The following OSBPL3 variants were observed in gnomAD, a reference collection of about 807,000 sequenced individuals.
OSBPL3 encodes oxysterol binding protein like 3.
A neutral mutation model predicts 120.1 loss-of-function variants in OSBPL3; 65 were observed. That is an observed-to-expected ratio of 0.54 (90% CI 0.44 to 0.67). The LOEUF (loss-of-function observed/expected upper bound fraction) is 0.67, where lower values mean the gene tolerates loss of function less well. OSBPL3 is among the 30% of genes least tolerant of loss of function. The pLI is 0.00. For synonymous variants in OSBPL3, 416 were observed against 402.6 expected, an observed-to-expected ratio of 1.03 and a Z score of -0.40; for missense variants, 1,004 against 1,082.1, an observed-to-expected ratio of 0.93 and a Z score of 1.01.
In OSBPL3 at chr7:24,932,961, G is replaced by A. The variant is rs1020972977; in HGVS notation, c.-149-40340C>T. 2.0e-5 allele frequency among the ~76,000 whole-genome samples: 3 copies of A among 152,244 alleles called. No homozygotes were observed. Among genetic ancestry groups the A allele is most frequent in the Non-Finnish European group, 4.4e-5 (3 of 68,032 alleles). On this transcript the variant is annotated intron_variant, in intron 1 of 22. Coordinates refer to ENST00000313367, the MANE Select transcript of OSBPL3 (RefSeq NM_015550.4). The surrounding 1 kb of genome is among the most constrained non-coding windows in gnomAD (Gnocchi z 5.6). ...GCAGAATGCCATGTTACAAACCAGT[G>A]AACCGTCTTTCCTCCATATTCAAAT... is the stretch of plus-strand genomic sequence containing the variant.
rs1233802869 is a variant in OSBPL3, at chr7:24,966,058, A to G, written c.-150+13828T>C. On this transcript the variant is annotated intron_variant, in intron 1 of 22. Coordinates refer to ENST00000313367, the MANE Select transcript of OSBPL3 (RefSeq NM_015550.4). The surrounding 1 kb of genome is among the most constrained non-coding windows in gnomAD (Gnocchi z 4.8). ...AAGTCTCACACAAGTCATCTGAGAG[A>G]GAGGAGAAACAGTACTGTTAAAAGG... 6.6e-6 allele frequency among the ~76,000 whole-genome samples: 1 copy of G among 152,108 alleles called. No individual in the cohort carries two copies. The highest frequency in any genetic ancestry group is 1.5e-5 in the Non-Finnish European group (1 of 68,024).
Position 24,899,224 on chromosome 7 carries a change from T to C in OSBPL3, c.-149-6603A>G, listed in dbSNP as rs1262356169. 6.6e-6 allele frequency among the ~76,000 whole-genome samples: 1 copy of C among 152,140 alleles called. No homozygotes were observed. Among genetic ancestry groups the C allele is most frequent in the Non-Finnish European group, 1.5e-5 (1 of 68,026 alleles). On this transcript the variant is annotated intron_variant, in intron 1 of 22. Transcript: ENST00000313367. This position sits in a 1 kb window ranked among gnomAD's most constrained non-coding sequence, Gnocchi z 4.0. ...GTGATGCCCAGATTTAAAGACAAGC[T>C]CTAGGTGTGGTCTGGACAGAGCAGA... is the stretch of plus-strand genomic sequence containing the variant.
In OSBPL3 at chr7:24,912,936, T is replaced by G. The variant is rs1192997886; in HGVS notation, c.-149-20315A>C. On this transcript the variant is annotated intron_variant, in intron 1 of 22. Transcript: ENST00000313367. The surrounding 1 kb of genome is among the most constrained non-coding windows in gnomAD (Gnocchi z 4.5). Reference sequence around the variant, plus strand: ...CCTGTTGTCTCAGGGTGCTTGCCCTTCAACTCAGCCACCACGATGTGAGTA... The same window carrying G: ...CCTGTTGTCTCAGGGTGCTTGCCCTGCAACTCAGCCACCACGATGTGAGTA... Among the ~76,000 whole-genome samples, 1 of 152,168 alleles carries G rather than the reference T, an allele frequency of 6.6e-6. No individual in the cohort carries two copies. The highest frequency in any genetic ancestry group is 1.9e-4 in the East Asian group (1 of 5,190).
intron 1 of OSBPL3, among the ~76,000 whole-genome samples, chr7:24,973,059 A>C (rs1304318493): frequency 6.6e-6 from 1 of 152,234 alleles, no homozygotes; most frequent in African/African-American, 2.4e-5. Flanking sequence ...CTTTAGTTAT[A>C]GTAACTGTCA....
At chr7:24,814,143 G>A (rs958495684) in intron 19 of OSBPL3, among the ~76,000 whole-genome samples, 1 of 152,110 alleles carries the variant, frequency 6.6e-6, no homozygotes, top group African/African-American at 2.4e-5. Context: ...ATGACAGGAT[G>A]GGGCTGGTGA....
rs1425747569 is a variant in OSBPL3, at chr7:24,817,586, G to A, written c.1949-898C>T. On this transcript the variant is annotated intron_variant, in intron 17 of 22. Transcript: ENST00000313367. This position sits in a 1 kb window ranked among gnomAD's most constrained non-coding sequence, Gnocchi z 4.0. ...GAGTCTGGTTTGTGTGCACTGAGTG[G>A]AAATAATCAGGCCACTGATGTGATT... Among the ~76,000 whole-genome samples, 1 of 152,192 alleles carries A rather than the reference G, an allele frequency of 6.6e-6. No individual in the cohort carries two copies. The highest frequency in any genetic ancestry group is 1.5e-5 in the Non-Finnish European group (1 of 68,036).
At chr7:24,969,096 C>T (rs1320970658) in intron 1 of OSBPL3, among the ~76,000 whole-genome samples, 1 of 152,196 alleles carries the variant, frequency 6.6e-6, no homozygotes, top group African/African-American at 2.4e-5. Context: ...CAGTTTGGAC[C>T]GATTTACATT....
At position 24,852,656 on chromosome 7, in the gene OSBPL3, A is replaced by T. The variant is rs1220767940; in HGVS notation, c.1028-22T>A. The T allele has an allele frequency of 2.0e-6, 3 of 1,495,190 alleles. No homozygotes were observed. The highest frequency in any genetic ancestry group is 2.7e-6 in the Non-Finnish European group (3 of 1,110,222). The allele number at this position is 1,495,190 out of a possible 1,614,324, so 92.6% of individuals were successfully genotyped here. A position where few individuals can be genotyped will look rare whatever the true frequency, so the allele number is the denominator to read the frequency against. On this transcript the variant is annotated intron_variant, in intron 10 of 22. Coordinates refer to ENST00000313367, the MANE Select transcript of OSBPL3 (RefSeq NM_015550.4). This position sits in a 1 kb window ranked among gnomAD's most constrained non-coding sequence, Gnocchi z 4.1. The stretch of plus-strand genomic sequence containing the variant: ...TAAACTATAGAGATAGAATCATTAT[A>T]AAAAGGAATAAGGAGGCATAATTAA...
Position 24,824,286 on chromosome 7 carries a change from CCTTT to C in OSBPL3, c.1885-4052_1885-4049del, listed in dbSNP as rs1242043525. On this transcript the variant is annotated intron_variant, in intron 16 of 22. Coordinates refer to ENST00000313367, the MANE Select transcript of OSBPL3 (RefSeq NM_015550.4). This position sits in a 1 kb window ranked among gnomAD's most constrained non-coding sequence, Gnocchi z 4.9. ...TTATAATTTATTTATATATCTGAGG[CCTTT>C]CTTTACCTTGACCTAATCATTTTTA... is the stretch of plus-strand genomic sequence containing the variant. 6.6e-6 allele frequency among the ~76,000 whole-genome samples: 1 copy of C among 152,146 alleles called. No individual in the cohort carries two copies. Among genetic ancestry groups the C allele is most frequent in the Admixed American group, 6.5e-5 (1 of 15,274 alleles).
At position 24,898,115 on chromosome 7, in the gene OSBPL3, T is replaced by A. The variant is rs1381633537; in HGVS notation, c.-149-5494A>T. Among the ~76,000 whole-genome samples, 1 of 152,256 alleles carries A rather than the reference T, an allele frequency of 6.6e-6. No homozygotes were observed. Among genetic ancestry groups the A allele is most frequent in the Non-Finnish European group, 1.5e-5 (1 of 68,046 alleles). On this transcript the variant is annotated intron_variant, in intron 1 of 22. Transcript: ENST00000313367. The surrounding 1 kb of genome is among the most constrained non-coding windows in gnomAD (Gnocchi z 4.3). Reference sequence around the variant, plus strand: ...AAGTTATGCATCTTTTTACAAATGGTACCCTCTGAAACACCCTGATTTCAA... The same window carrying A: ...AAGTTATGCATCTTTTTACAAATGGAACCCTCTGAAACACCCTGATTTCAA...
chr7:24,950,087 A>T (rs1814210573), intron 1 of OSBPL3, among the ~76,000 whole-genome samples: 1 of 152,262 alleles, frequency 6.6e-6, no homozygotes, highest in Non-Finnish European at 1.5e-5. Flanking sequence ...AAGCCAGGTC[A>T]TAAAAAGTAT....
chr7:24,973,325 G>C (rs980465116), intron 1 of OSBPL3, among the ~76,000 whole-genome samples: 1 of 152,076 alleles, frequency 6.6e-6, no homozygotes, highest in Non-Finnish European at 1.5e-5. Context: ...TTTTATGAAA[G>C]AAATTTGCTT....
chr7:24,921,591 C>T (rs1810391194), intron 1 of OSBPL3, among the ~76,000 whole-genome samples: 1 of 152,178 alleles, frequency 6.6e-6, no homozygotes, highest in South Asian at 2.1e-4. Context: ...CTGGCTGCAG[C>T]AGCAGGAAGT....
chr7:24,859,952 A>G (rs577476623), intron 10 of OSBPL3, among the ~76,000 whole-genome samples: 1 of 152,294 alleles, frequency 6.6e-6, no homozygotes, highest in Admixed American at 6.5e-5. Context: ...ATTGACTTAC[A>G]GGTAATTGCA....
Position 24,810,101 on chromosome 7 carries a change from C to T in OSBPL3, c.2173-150G>A. 6.9e-6 allele frequency: 5 copies of T among 721,642 alleles called. No individual in the cohort carries two copies. In the East Asian group the frequency reaches 1.0e-4, roughly 15 times the overall value. 44.7% of individuals were successfully genotyped at this position (721,642 alleles called of 1,614,324 possible). ...CTAGTTCTGGGTTCCGTTTTTTTAACCGACAAATAAAAAATTTATATATTT... is the reference window on the plus strand; with the variant it reads ...CTAGTTCTGGGTTCCGTTTTTTTAATCGACAAATAAAAAATTTATATATTT... On this transcript the variant is annotated intron_variant, in intron 19 of 22. Coordinates refer to ENST00000313367, the MANE Select transcript of OSBPL3 (RefSeq NM_015550.4).
chr7:24,850,049 T>G (rs1293796419), intron 11 of OSBPL3, among the ~76,000 whole-genome samples: 1 of 152,186 alleles, frequency 6.6e-6, no homozygotes, highest in Non-Finnish European at 1.5e-5. Context: ...GATTGTTCTA[T>G]TCATTCTTCA....
At chr7:24,866,492 T>A (rs577477659) in intron 5 of OSBPL3, among the ~76,000 whole-genome samples, 10 of 152,036 alleles carry the variant, frequency 6.6e-5, no homozygotes, top group African/African-American at 2.4e-4. Context: ...ACCAAAAAAA[T>A]TAGCCAGACA....
At position 24,905,710 on chromosome 7, in the gene OSBPL3, G is replaced by A. The variant is rs115718035; in HGVS notation, c.-149-13089C>T. Among the ~76,000 whole-genome samples the A allele has an allele frequency of 6.5e-3, 988 of 152,274 alleles. 9 individuals carry two copies. The highest frequency in any genetic ancestry group is 0.021 in the African/African-American group (881 of 41,552). On this transcript the variant is annotated intron_variant, in intron 1 of 22. Transcript: ENST00000313367. ...CTATTCTCTTTGATAGGAAGAGGGCGTAAGTCTTCCTTGCCATGCTGTTAA... is the reference window on the plus strand; with the variant it reads ...CTATTCTCTTTGATAGGAAGAGGGCATAAGTCTTCCTTGCCATGCTGTTAA...
At chr7:24,914,633 G>A (rs933441828) in intron 1 of OSBPL3, among the ~76,000 whole-genome samples, 1 of 152,056 alleles carries the variant, frequency 6.6e-6, no homozygotes, top group South Asian at 2.1e-4. Flanking sequence ...TCGATGGCTG[G>A]TGTATATCTG....
Sources: gnomAD v4.1 joint callset for allele counts (sites outside exome capture counted in the v4.1 genomes callset) on GRCh38, gnomAD v4.1.1 for gene constraint, Gnocchi (gnomAD v3.1) non-coding constraint, MANE v1.5 for transcripts, NCBI Gene and HGNC (gene_info 2026-07-23, HGNC 2026-07-21) for gene names.